The following PCNX3 variants were observed in gnomAD, a reference collection of about 807,000 sequenced individuals.
The protein encoded by PCNX3 is pecanex-like protein 3.
In PCNX3, 58 loss-of-function variants were observed where a neutral mutation model predicts 207.2. The observed-to-expected ratio is 0.28, with a 90% CI of 0.23 to 0.35. The LOEUF (loss-of-function observed/expected upper bound fraction) is 0.35. Among genes scored for constraint, PCNX3 ranks in the 10% least tolerant of loss-of-function variants. The pLI is 1.00. For missense variants in PCNX3, 2,410 were observed against 2,774.4 expected (o/e 0.87, Z 2.95); for synonymous variants, 1,337 against 1,183.5 (o/e 1.13, Z -2.66).
At position 65,616,866 on chromosome 11, in the gene PCNX3, G is replaced by T. The variant is rs371450794; in HGVS notation, c.196G>T (p.Val66Leu). 1 of 1,613,644 alleles carries T rather than the reference G, an allele frequency of 6.2e-7. No homozygotes were observed. Among genetic ancestry groups the T allele is most frequent in the South Asian group, 1.1e-5 (1 of 91,084 alleles). The change falls in exon 2 of 35, where the codon GTG (valine) becomes TTG (leucine). Residue 66 changes from valine (V) to leucine (L), a missense_variant. Val to Leu is a conservative substitution (Grantham distance 32). Transcript: ENST00000355703. ...SLMVAGVYCL[V>L]VAVIFATIKT... Reference sequence around the variant, plus strand: ...GATGGTGGCCGGCGTGTACTGCCTCGTGGTGGCTGTCATCTTTGCTACTAT... The same window carrying T: ...GATGGTGGCCGGCGTGTACTGCCTCTTGGTGGCTGTCATCTTTGCTACTAT...
chr11:65,636,052 G>A, intron 32 of PCNX3, 122 bp from the exon 33 acceptor site: 1 of 1,434,970 alleles, frequency 7.0e-7, no homozygotes, highest in South Asian at 1.2e-5. Context: ...GCTTCTTAGA[G>A]GGGAGGATCC....
In PCNX3 at chr11:65,628,845, C is replaced by T. The variant is rs573959542; in HGVS notation, c.3838C>T (p.Leu1280=). ...CTCGGCCATGCTGTTCGTCCAGGCC[C>T]TGCTCTCGGGGCTCTTCTCCACGCC... ...PHSAMLFVQA[L]LSGLFSTPLN... is the part of the protein sequence containing the mutation. The change falls in exon 24 of 35, where the codon CTG becomes TTG. Residue 1280 remains leucine, a synonymous_variant. Transcript: ENST00000355703. The T allele has an allele frequency of 3.1e-6, 5 of 1,612,336 alleles. No individual in the cohort carries two copies. The South Asian group carries it at 5.5e-5, about 18-fold the overall frequency.
intron 21 of PCNX3, 115 bp from the exon 22 acceptor site, chr11:65,627,290 C>A: frequency 8.0e-7 from 1 of 1,249,562 alleles, no homozygotes; most frequent in Non-Finnish European, 1.1e-6. Flanking sequence ...AGGGACCAGC[C>A]CAGCAGAGCA....
chr11:65,634,404 G>A, intron 28 of PCNX3, 48 bp downstream of exon 28: 1 of 1,526,166 alleles, frequency 6.6e-7, no homozygotes, highest in Non-Finnish European at 8.9e-7. Context: ...TGGGACCTGG[G>A]CTTCCCTGCT....
chr11:65,636,847 C>G lies in PCNX3; in HGVS notation c.5974C>G (p.Gln1992Glu), dbSNP rs1855870980. The change falls in exon 35 of 35, where the codon CAG (glutamine) becomes GAG (glutamate). Residue 1992 changes from glutamine (Q) to glutamate (E), a missense_variant. By Grantham distance (29) the Gln-to-Glu change is conservative (BLOSUM62 2). Transcript: ENST00000355703. ...TGAGGCCTCACCCCCCAGAGCTTCC[C>G]AGGACATTCCTTGCTTGGACAGCAG... ...STEASPPRAS[Q>E]DIPCLDSSAP... 1.9e-6 allele frequency: 3 copies of G among 1,550,996 alleles called. No homozygotes were observed. The highest frequency in any genetic ancestry group is 2.6e-6 in the Non-Finnish European group (3 of 1,147,038).
In PCNX3 at chr11:65,624,927, G is replaced by A. The variant is rs1418590539; in HGVS notation, c.2830G>A (p.Ala944Thr). 1 of 1,607,820 alleles carries A rather than the reference G, an allele frequency of 6.2e-7. No individual in the cohort carries two copies. Among genetic ancestry groups the A allele is most frequent in the South Asian group, 1.1e-5 (1 of 90,532 alleles). The change falls in exon 16 of 35, where the codon GCC (alanine) becomes ACC (threonine). Residue 944 changes from alanine (A) to threonine (T), a missense_variant and splice_region_variant. Transcript: ENST00000355703. ...CTGTACTTCTCCCTTCCACACAGCT[G>A]CCACCAGCCCGCTCACGGCAGTCTT... ...IDMHGFGGTAATSPLTAVFSL... is the reference protein window; with the variant it reads ...IDMHGFGGTATTSPLTAVFSL...
rs763487531 is a variant in PCNX3, at chr11:65,625,862, C to G, written c.3229-42C>G. ...CAGGTGGCCCTCTGTGGTCCCTTGGCCTGCTCCCATCAGCTGAGTCTCTGG... is the reference window on the plus strand; with the variant it reads ...CAGGTGGCCCTCTGTGGTCCCTTGGGCTGCTCCCATCAGCTGAGTCTCTGG... On this transcript the variant is annotated intron_variant, in intron 19 of 34. Coordinates refer to ENST00000355703, the MANE Select transcript of PCNX3 (RefSeq NM_032223.4). This position sits in a 1 kb window ranked among gnomAD's most constrained non-coding sequence, Gnocchi z 5.6. 6.2e-7 allele frequency: 1 copy of G among 1,603,516 alleles called. No homozygotes were observed. The highest frequency in any genetic ancestry group is 1.1e-5 in the South Asian group (1 of 89,330).
At position 65,636,970 on chromosome 11, in the gene PCNX3, C is replaced by A; in HGVS notation, c.6097C>A (p.Gln2033Lys). 1 of 1,569,350 alleles carries A rather than the reference C, an allele frequency of 6.4e-7. No individual in the cohort carries two copies. Residue 2033 changes from glutamine (Q) to lysine (K), a missense_variant, in exon 35 of 35, where the codon CAG (glutamine) becomes AAG (lysine). Around this residue, in one of 8 missense-constraint regions of PCNX3, gnomAD observed 278 missense variants for 245.1 expected, o/e 1.13. Coordinates refer to ENST00000355703, the MANE Select transcript of PCNX3 (RefSeq NM_032223.4). ...GGCAGCCCAGCCCCTGCTGGAACAC[C>A]AGTACTGAGCTACCTGGCGCCCACT... ...SPAAQPLLEH[Q>K]Y is the part of the protein sequence containing the mutation.
chr11:65,620,767 C>T (rs1855045303), intron 9 of PCNX3, 64 bp from the exon 10 acceptor site: 3 of 1,557,832 alleles, frequency 1.9e-6, no homozygotes, highest in African/African-American at 1.4e-5. Flanking sequence ...TTGGCCTCGG[C>T]CTCGACCCCA....
In PCNX3 at chr11:65,635,283, C is replaced by G; in HGVS notation, c.5019C>G (p.Asn1673Lys). 1.3e-6 allele frequency: 2 copies of G among 1,592,530 alleles called. No individual in the cohort carries two copies. Among genetic ancestry groups the G allele is most frequent in the Non-Finnish European group, 1.7e-6 (2 of 1,170,056 alleles). The change falls in exon 31 of 35, where the codon AAC becomes AAG. Residue 1673 changes from asparagine to lysine, a missense_variant. Around this residue, in one of 8 missense-constraint regions of PCNX3, gnomAD observed 420 missense variants for 705.3 expected, o/e 0.60. Coordinates refer to ENST00000355703, the MANE Select transcript of PCNX3 (RefSeq NM_032223.4). This position sits in a 1 kb window ranked among gnomAD's most constrained non-coding sequence, Gnocchi z 9.9. ...PAALYDAIAA[N>K]EERLVISHEG... ...CCCTATACGATGCCATTGCGGCCAA[C>G]GAGGAGCGGCTGGTCATCTCACATG...
At chr11:65,617,806 C>A in intron 5 of PCNX3, 100 bp downstream of exon 5, 1 of 1,476,256 alleles carries the variant, frequency 6.8e-7, no homozygotes, top group Non-Finnish European at 9.2e-7. Context: ...CTCTGTATTC[C>A]TCTGTGGGAC....
intron 34 of PCNX3, 21 bp downstream of exon 34, chr11:65,636,710 T>C (rs1476684380): frequency 1.9e-6 from 3 of 1,561,644 alleles, no homozygotes; most frequent in Non-Finnish European, 2.6e-6. Flanking sequence ...TGTGGGAGGG[T>C]TGGGTCCCAG....
chr11:65,620,382 C>T lies in PCNX3; in HGVS notation c.2052C>T (p.Tyr684=), dbSNP rs368034012. 6 of 1,613,450 alleles carry T rather than the reference C, an allele frequency of 3.7e-6. No individual in the cohort carries two copies. The highest frequency in any genetic ancestry group is 2.2e-5 in the East Asian group (1 of 44,868). Residue 684 remains tyrosine (Y), a synonymous_variant, in exon 9 of 35, where the codon TAC becomes TAT. Transcript: ENST00000355703. ...SYTFGLAGGG[Y]ENPVGQQGEQ... ...CCTTTGGCCTGGCTGGAGGCGGCTACGAGAACCCTGTAGGGCAGCAAGGGG... is the reference window on the plus strand; with the variant it reads ...CCTTTGGCCTGGCTGGAGGCGGCTATGAGAACCCTGTAGGGCAGCAAGGGG...
At chr11:65,616,694 GT>G in intron 1 of PCNX3, 129 bp from the exon 2 acceptor site, 1 of 1,100,042 alleles carries the variant, frequency 9.1e-7, no homozygotes, top group Non-Finnish European at 1.3e-6. Flanking sequence ...CGAGGTCTGT[GT>G]ACTGGTTGTG....
At chr11:65,630,763 A>C (rs1360259884) in intron 27 of PCNX3, among the ~76,000 whole-genome samples, 159 bp downstream of exon 27, 1 of 152,200 alleles carries the variant, frequency 6.6e-6, no homozygotes, top group Non-Finnish European at 1.5e-5. Flanking sequence ...TGCCACTGCC[A>C]GACCTCAGGT....
At chr11:65,631,746 C>T (rs957515578) in intron 27 of PCNX3, among the ~76,000 whole-genome samples, 4 of 151,792 alleles carry the variant, frequency 2.6e-5, no homozygotes, top group African/African-American at 9.7e-5. Flanking sequence ...CAGGCTCCCA[C>T]GTGCCTTCTT....
chr11:65,616,062 G>T lies in PCNX3; in HGVS notation c.-250G>T. On this transcript the variant is annotated 5_prime_UTR_variant, in exon 1 of 35. Transcript: ENST00000355703. The stretch of plus-strand genomic sequence containing the variant: ...CCCTCGGAGCAATTCTGGGCCAGGA[G>T]TGGGGACCCGGACCCCGCCCCTGAT... 2 of 307,748 alleles carry T rather than the reference G, an allele frequency of 6.5e-6. No homozygotes were observed. The highest frequency in any genetic ancestry group is 1.2e-5 in the Non-Finnish European group (2 of 168,982). 19.1% of individuals were successfully genotyped at this position (307,748 alleles called of 1,614,324 possible).
At chr11:65,623,401 GCTGGGC>G (rs1279710008) in intron 11 of PCNX3, 84 bp from the exon 12 acceptor site, 1 of 1,459,134 alleles carries the variant, frequency 6.9e-7, no homozygotes, top group East Asian at 2.4e-5. Flanking sequence ...CAGTCCCAGA[GCTGGGC>G]CTTTAGGGCA....
chr11:65,621,448 T>C (rs1351621816), intron 10 of PCNX3, among the ~76,000 whole-genome samples: 1 of 152,238 alleles, frequency 6.6e-6, no homozygotes, highest in Admixed American at 6.5e-5. Flanking sequence ...ACTTAATCTA[T>C]TAACACCAGA....
Sources: gnomAD v4.1 joint callset for allele counts (sites outside exome capture counted in the v4.1 genomes callset) on GRCh38, gnomAD v4.1.1 for gene constraint, gnomAD v4.1.1 regional missense constraint, Gnocchi (gnomAD v3.1) non-coding constraint, MANE v1.5 for transcripts, NCBI Gene and HGNC (gene_info 2026-07-23, HGNC 2026-07-21) for gene names.